The following ADK variants were observed in gnomAD, a reference collection of about 807,000 sequenced individuals.
The protein encoded by ADK is N6,N6-dimethyladenosine kinase.
In ADK, 24 loss-of-function variants were observed where a neutral mutation model predicts 44.7. The observed-to-expected ratio is 0.54, with a 90% confidence interval of 0.39 to 0.76. The LOEUF (loss-of-function observed/expected upper bound fraction) is 0.76, where lower values mean the gene tolerates loss of function less well. Among genes scored for constraint, ADK ranks in the 30% least tolerant of loss-of-function variants. The pLI, the probability that ADK is intolerant of heterozygous loss-of-function variation, is 0.00. For missense variants in ADK, 321 were observed against 425.1 expected (o/e 0.76, Z 2.15); for synonymous variants, 128 against 142.6 (o/e 0.90, Z 0.73).
intron 9 of ADK, among the ~76,000 whole-genome samples, chr10:74,660,414 G>A (rs529424775): frequency 2.0e-5 from 3 of 152,226 alleles, no homozygotes; most frequent in Non-Finnish European, 2.9e-5. Context: ...TTACAGACAC[G>A]AGCCACCGTG....
At chr10:74,406,693 T>G (rs907877678) in intron 6 of ADK, among the ~76,000 whole-genome samples, 1 of 151,490 alleles carries the variant, frequency 6.6e-6, no homozygotes, top group African/African-American at 2.4e-5. Flanking sequence ...TTTATTTTTA[T>G]TTTTTGAGAT....
In ADK at chr10:74,686,780, G is replaced by A. The variant is rs1049372086; in HGVS notation, c.964+16511G>A. Among the ~76,000 whole-genome samples the A allele has an allele frequency of 5.3e-5, 8 of 152,028 alleles. 1 individual carries two copies. The East Asian group carries it at 7.7e-4, about 15-fold the overall frequency. On this transcript the variant is annotated intron_variant, in intron 10 of 10. Transcript: ENST00000539909. ...CAACCTCTGCCTCTCGGGTTCAAGCGATTACCCTGCCTCAGCCTCCCAAGT... is the reference window on the plus strand; with the variant it reads ...CAACCTCTGCCTCTCGGGTTCAAGCAATTACCCTGCCTCAGCCTCCCAAGT...
At chr10:74,294,611 G>A (rs189683837) in intron 3 of ADK, among the ~76,000 whole-genome samples, 1 of 152,140 alleles carries the variant, frequency 6.6e-6, no homozygotes, top group Non-Finnish European at 1.5e-5. Context: ...TAGAACAGCA[G>A]AAATGGGAGT....
intron 2 of ADK, among the ~76,000 whole-genome samples, chr10:74,219,230 T>C (rs956359067): frequency 6.6e-6 from 1 of 151,574 alleles, no homozygotes; most frequent in Non-Finnish European, 1.5e-5. Context: ...TAGTCTCTGA[T>C]AAAACAGACT....
At chr10:74,250,037 C>T (rs887025848) in intron 3 of ADK, among the ~76,000 whole-genome samples, 3 of 152,104 alleles carry the variant, frequency 2.0e-5, no homozygotes, top group African/African-American at 2.4e-5. Flanking sequence ...CTTATTGCGC[C>T]ACTCTCTCCC....
chr10:74,342,816 T>TGTGTGTGTG (rs56148690), intron 4 of ADK, among the ~76,000 whole-genome samples: 5 of 151,634 alleles, frequency 3.3e-5, no homozygotes, highest in African/African-American at 9.7e-5. Context: ...TGTGTGTGTG[T>TGTGTGTGTG]TTTAATATTG....
intron 4 of ADK, among the ~76,000 whole-genome samples, chr10:74,387,454 A>G (rs1317685830): frequency 6.6e-6 from 1 of 152,236 alleles, no homozygotes; most frequent in South Asian, 2.1e-4. Context: ...GAATTATTTA[A>G]TAAATGGAAT....
chr10:74,451,095 A>G (rs570992977), intron 6 of ADK, among the ~76,000 whole-genome samples: 2 of 42,506 alleles, frequency 4.7e-5, no homozygotes, highest in East Asian at 1.4e-3. Flanking sequence ...TTTTTTTTGT[A>G]GTTAGATGAA....
chr10:74,528,971 A>C (rs1017866238), intron 7 of ADK, among the ~76,000 whole-genome samples: 1 of 152,234 alleles, frequency 6.6e-6, no homozygotes, highest in Admixed American at 6.5e-5. Context: ...TCAAAATGTT[A>C]AACATAGAAT....
chr10:74,524,888 G>A (rs945117746), intron 6 of ADK, among the ~76,000 whole-genome samples: 7 of 152,082 alleles, frequency 4.6e-5, no homozygotes, highest in African/African-American at 1.7e-4. Context: ...ATTCCAAACT[G>A]TTTGTAAGAA....
chr10:74,435,369 C>T (rs964711770), intron 6 of ADK, among the ~76,000 whole-genome samples: 10 of 152,030 alleles, frequency 6.6e-5, no homozygotes, highest in African/African-American at 1.7e-4. Flanking sequence ...ATAATTCATC[C>T]GCCTTTACAT....
chr10:74,175,381 A>AG (rs891906212), intron 1 of ADK, among the ~76,000 whole-genome samples: 7 of 152,194 alleles, frequency 4.6e-5, no homozygotes, highest in African/African-American at 1.7e-4. Flanking sequence ...GCTCAAAAAA[A>AG]AAAAAAAAGT....
In ADK at chr10:74,174,233, C is replaced by T. The variant is rs145427079; in HGVS notation, c.65+22890C>T. Among the ~76,000 whole-genome samples the T allele has an allele frequency of 4.3e-5, 6 of 138,876 alleles. No individual in the cohort carries two copies. In the South Asian group the frequency reaches 7.1e-4, roughly 17 times the overall value. The allele number at this position is 138,876 out of a possible 152,430, so 91.1% of individuals were successfully genotyped here. A position where few individuals can be genotyped will look rare whatever the true frequency, so the allele number is the denominator to read the frequency against. Reference sequence around the variant, plus strand: ...TGAGGTGGGAGAATTGCTTGAACCCCGGGGATGGGGGCGGAGGTTGCAGTG... The same window carrying T: ...TGAGGTGGGAGAATTGCTTGAACCCTGGGGATGGGGGCGGAGGTTGCAGTG... On this transcript the variant is annotated intron_variant, in intron 1 of 10. Coordinates refer to ENST00000539909, the MANE Select transcript of ADK (RefSeq NM_006721.4).
chr10:74,632,552 T>C (rs1232041667), intron 9 of ADK, among the ~76,000 whole-genome samples: 1 of 152,202 alleles, frequency 6.6e-6, no homozygotes, highest in Non-Finnish European at 1.5e-5. Flanking sequence ...GCTATATCAC[T>C]TCAGTATTTG....
chr10:74,576,517 C>G (rs1035132520), intron 7 of ADK, among the ~76,000 whole-genome samples: 2 of 152,020 alleles, frequency 1.3e-5, no homozygotes, highest in African/African-American at 4.8e-5. Flanking sequence ...AAATGTTACA[C>G]TATGCAGAAA....
At chr10:74,329,078 T>A (rs377205433) in intron 4 of ADK, among the ~76,000 whole-genome samples, 3 of 19,322 alleles carry the variant, frequency 1.6e-4, no homozygotes, top group Non-Finnish European at 3.3e-4. Context: ...AAAATAAAAA[T>A]AAAATAAAAT....
rs75689860 is a variant in ADK, at chr10:74,227,208, A to G, written c.194+2617A>G. Among the ~76,000 whole-genome samples, 1,166 of 152,332 alleles carry G rather than the reference A, an allele frequency of 7.7e-3. 55 individuals carry two copies. The East Asian group carries it at 0.1, about 13-fold the overall frequency. ...ATATAAGAGATATGGATATAAAACAAAATTTTATCTAATCAGTAATTCCAT... is the reference window on the plus strand; with the variant it reads ...ATATAAGAGATATGGATATAAAACAGAATTTTATCTAATCAGTAATTCCAT... On this transcript the variant is annotated intron_variant, in intron 3 of 10. Coordinates refer to ENST00000539909, the MANE Select transcript of ADK (RefSeq NM_006721.4).
intron 6 of ADK, among the ~76,000 whole-genome samples, chr10:74,476,407 G>A (rs1049543272): frequency 6.6e-6 from 1 of 151,802 alleles, no homozygotes; most frequent in African/African-American, 2.4e-5. Context: ...CAAGAGAATT[G>A]CTTGAACCTG....
intron 2 of ADK, among the ~76,000 whole-genome samples, chr10:74,207,504 A>G (rs778528232): frequency 2.0e-5 from 3 of 152,166 alleles, no homozygotes; most frequent in Non-Finnish European, 4.4e-5. Flanking sequence ...GAGCAACAGA[A>G]CAGCTCTCAG....
Sources: allele counts gnomAD v4.1 joint callset (sites outside exome capture counted in the v4.1 genomes callset), GRCh38; gene constraint gnomAD v4.1.1; transcripts MANE v1.5; gene names NCBI Gene and HGNC (gene_info 2026-07-23, HGNC 2026-07-21).